The following ETFA variants were observed in gnomAD, a reference collection of about 807,000 sequenced individuals.
The protein encoded by ETFA is electron transfer flavoprotein subunit alpha, mitochondrial.
Under a neutral mutation model 46.2 loss-of-function variants are expected in ETFA, and 22 were observed. The observed-to-expected ratio is 0.48, with a 90% CI of 0.34 to 0.68. The LOEUF (loss-of-function observed/expected upper bound fraction) is 0.68, where lower values mean the gene tolerates loss of function less well. ETFA is among the 30% of genes least tolerant of loss of function. ETFA has a pLI of 0.01. For synonymous variants in ETFA, 131 were observed against 139.9 expected, an observed-to-expected ratio of 0.94 and a Z score of 0.45; for missense variants, 345 against 401.1, an observed-to-expected ratio of 0.86 and a Z score of 1.19.
rs753461278 is a variant in ETFA, at chr15:76,285,649, C to T, written c.652G>A (p.Val218Met). The T allele has an allele frequency of 1.9e-6, 3 of 1,591,454 alleles. No individual in the cohort carries two copies. Among genetic ancestry groups the T allele is most frequent in the South Asian group, 2.2e-5 (2 of 90,538 alleles). The change falls in exon 7 of 12, where the codon GTG becomes ATG. Residue 218 changes from valine (V) to methionine (M), a missense_variant. By Grantham distance (21) the Val-to-Met change is conservative. Transcript: ENST00000557943. ...DRPELTGAKVVVSGGRGLKSG... is the reference protein window; with the variant it reads ...DRPELTGAKVMVSGGRGLKSG... ...ATATTTCACTTACCACCAGATACCA[C>T]CACTTTGGCACCTGTTAGCTCTGGT...
intron 9 of ETFA, among the ~76,000 whole-genome samples, chr15:76,241,162 A>G (rs919852256): frequency 6.6e-6 from 1 of 152,132 alleles, no homozygotes; most frequent in African/African-American, 2.4e-5. Context: ...TGAACATGTA[A>G]TCAAGTCTAT....
intron 9 of ETFA, among the ~76,000 whole-genome samples, chr15:76,246,327 T>C (rs1030740645): frequency 1.3e-5 from 2 of 152,232 alleles, no homozygotes; most frequent in African/African-American, 4.8e-5. Flanking sequence ...GGCTGAATCC[T>C]GGCAACCTGG....
At chr15:76,299,901 T>C (rs1331646270) in intron 1 of ETFA, among the ~76,000 whole-genome samples, 3 of 152,172 alleles carry the variant, frequency 2.0e-5, no homozygotes, top group Non-Finnish European at 1.5e-5. Context: ...TTCCTTCTCA[T>C]CAACATTTAA....
intron 9 of ETFA, among the ~76,000 whole-genome samples, chr15:76,267,324 A>T (rs1436408185): frequency 6.6e-6 from 1 of 152,274 alleles, no homozygotes; most frequent in East Asian, 1.9e-4. Context: ...GGCTGCGCAC[A>T]ACAAAGCTAA....
intron 9 of ETFA, among the ~76,000 whole-genome samples, chr15:76,262,811 T>C (rs1029067534): frequency 2.6e-5 from 4 of 152,068 alleles, no homozygotes; most frequent in Non-Finnish European, 4.4e-5. Context: ...AGATCTACGA[T>C]AAAGATAAAA....
In ETFA at chr15:76,293,579, C is replaced by G. The variant is rs541754844; in HGVS notation, c.187-879G>C. Among the ~76,000 whole-genome samples, 7 of 152,278 alleles carry G rather than the reference C, an allele frequency of 4.6e-5. No individual in the cohort carries two copies. The East Asian group carries it at 1.3e-3, about 29-fold the overall frequency. ...TATTCAGAAGGCAATTAGATTTCCC[C>G]TTTTTAAGTATCTTTATTACCTCAT... On this transcript the variant is annotated intron_variant, in intron 2 of 11. Transcript: ENST00000557943.
In ETFA at chr15:76,225,455, A is replaced by AT. The variant is rs373864705; in HGVS notation, c.963+393dup. 2.8e-3 allele frequency among the ~76,000 whole-genome samples: 418 copies of AT among 151,656 alleles called. 1 individual carries two copies. The highest frequency in any genetic ancestry group is 9.5e-3 in the African/African-American group (392 of 41,320). Reference sequence around the variant, plus strand: ...AGGCGCCTGCCACCACGCCCAGCTAATTTTTTGTATTTTTTAGTAGAGACG... The same window carrying AT: ...AGGCGCCTGCCACCACGCCCAGCTAATTTTTTTGTATTTTTTAGTAGAGACG... On this transcript the variant is annotated intron_variant, in intron 11 of 11. Coordinates refer to ENST00000557943, the MANE Select transcript of ETFA (RefSeq NM_000126.4).
chr15:76,256,736 T>A (rs758438121), intron 9 of ETFA, among the ~76,000 whole-genome samples: 2 of 152,186 alleles, frequency 1.3e-5, no homozygotes, highest in Non-Finnish European at 2.9e-5. Context: ...ATAAGGGTGG[T>A]CCCATAAAAT....
chr15:76,262,987 G>A (rs1286028438), intron 9 of ETFA, among the ~76,000 whole-genome samples: 2 of 152,124 alleles, frequency 1.3e-5, no homozygotes, highest in African/African-American at 4.8e-5. Flanking sequence ...GCCCCGGTAG[G>A]CACCAGTGGC....
In ETFA at chr15:76,292,605, C is replaced by T. The variant is rs954165910; in HGVS notation, c.268+14G>A. ...AATTTAGACACTACATTTTTTTCTA[C>T]TGGAAAACCTCACCTGGAAGTAGGC... On this transcript the variant is annotated intron_variant, in intron 3 of 11. Coordinates refer to ENST00000557943, the MANE Select transcript of ETFA (RefSeq NM_000126.4). 3 of 1,609,500 alleles carry T rather than the reference C, an allele frequency of 1.9e-6. No homozygotes were observed. Among genetic ancestry groups the T allele is most frequent in the Middle Eastern group, 1.7e-4 (1 of 6,052 alleles).
At position 76,216,278 on chromosome 15, in the gene ETFA, C is replaced by T. The variant is rs2038894816; in HGVS notation, c.*281G>A. 8.9e-6 allele frequency: 3 copies of T among 336,418 alleles called. No individual in the cohort carries two copies. The highest frequency in any genetic ancestry group is 1.6e-5 in the Non-Finnish European group (3 of 186,676). 20.8% of individuals were successfully genotyped at this position (336,418 alleles called of 1,614,324 possible). On this transcript the variant is annotated 3_prime_UTR_variant, in exon 12 of 12. Coordinates refer to ENST00000557943, the MANE Select transcript of ETFA (RefSeq NM_000126.4). ...CCTTTTCTTCAATTTTCTCTAGAGG[C>T]TAGGCATATTTCTGATAGTTTTAAA...
At chr15:76,301,509 G>A (rs745795025) in intron 1 of ETFA, among the ~76,000 whole-genome samples, 4 of 152,166 alleles carry the variant, frequency 2.6e-5, no homozygotes, top group Admixed American at 1.3e-4. Flanking sequence ...TCAGGAGTTC[G>A]AGACCAGCCT....
At chr15:76,217,603 C>T in intron 11 of ETFA, 1 of 455,830 alleles carries the variant, frequency 2.2e-6, no homozygotes, top group South Asian at 1.5e-5. Context: ...CGTGGCAGTG[C>T]AGTGGCTGCA....
At chr15:76,268,505 A>G (rs1341187687) in intron 9 of ETFA, among the ~76,000 whole-genome samples, 4 of 152,222 alleles carry the variant, frequency 2.6e-5, no homozygotes, top group Non-Finnish European at 4.4e-5. Context: ...CTGGAGTGCC[A>G]GGATTTTACC....
At chr15:76,270,383 C>T (rs2039516589) in intron 9 of ETFA, among the ~76,000 whole-genome samples, 1 of 152,118 alleles carries the variant, frequency 6.6e-6, no homozygotes, top group Non-Finnish European at 1.5e-5. Flanking sequence ...ATTGGAGATA[C>T]CAGTGTACAC....
At chr15:76,233,125 A>G (rs986569957) in intron 9 of ETFA, among the ~76,000 whole-genome samples, 2 of 152,166 alleles carry the variant, frequency 1.3e-5, no homozygotes, top group African/African-American at 4.8e-5. Context: ...AATGCTGCAG[A>G]AAGTATGGAT....
chr15:76,282,296 C>A (rs1477368297), intron 8 of ETFA, among the ~76,000 whole-genome samples: 1 of 152,054 alleles, frequency 6.6e-6, no homozygotes, highest in East Asian at 1.9e-4. Flanking sequence ...AGTGATGTGG[C>A]CACAAGCCCA....
chr15:76,295,983 C>T (rs2039818598), intron 1 of ETFA, among the ~76,000 whole-genome samples: 1 of 55,378 alleles, frequency 1.8e-5, no homozygotes, highest in South Asian at 8.2e-4. Context: ...GCTCTGTCGC[C>T]CAGGCTGGAG....
intron 1 of ETFA, among the ~76,000 whole-genome samples, chr15:76,303,764 C>T (rs2039906580): frequency 6.6e-6 from 1 of 152,156 alleles, no homozygotes; most frequent in Non-Finnish European, 1.5e-5. Flanking sequence ...TCACACCAGT[C>T]AGAATGGCTA....
Sources: allele counts gnomAD v4.1 joint callset (sites outside exome capture counted in the v4.1 genomes callset), GRCh38; gene constraint gnomAD v4.1.1; transcripts MANE v1.5; gene names NCBI Gene and HGNC (gene_info 2026-07-23, HGNC 2026-07-21).